The following OLA1 variants were observed in gnomAD, a reference collection of about 807,000 sequenced individuals.
The protein encoded by OLA1 is obg-like ATPase 1.
A neutral mutation model predicts 48.4 loss-of-function variants in OLA1; 14 were observed. That is an observed-to-expected ratio of 0.29 (90% CI 0.19 to 0.45). The LOEUF (loss-of-function observed/expected upper bound fraction) is 0.45, where lower values mean the gene tolerates loss of function less well. OLA1 is among the 20% of genes least tolerant of loss of function. The pLI, the probability that OLA1 is intolerant of heterozygous loss-of-function variation, is 1.00. For synonymous variants in OLA1, 127 were observed against 150.4 expected, an observed-to-expected ratio of 0.84 and a Z score of 1.14; for missense variants, 325 against 467.1, an observed-to-expected ratio of 0.70 and a Z score of 2.80.
At chr2:174,186,536 C>A (rs1295510047) in intron 4 of OLA1, among the ~76,000 whole-genome samples, 6 of 152,118 alleles carry the variant, frequency 3.9e-5, no homozygotes, top group African/African-American at 1.4e-4. Context: ...ATATCTTTTC[C>A]GATCATACCC....
chr2:174,115,770 C>T (rs556200015), intron 7 of OLA1, among the ~76,000 whole-genome samples: 1 of 152,316 alleles, frequency 6.6e-6, no homozygotes, highest in African/African-American at 2.4e-5. Context: ...TGGCATGTAT[C>T]CTTATTTCAT....
Position 174,147,119 on chromosome 2 carries a change from T to G in OLA1, c.374-5119A>C, listed in dbSNP as rs74746103. 8.7e-3 allele frequency among the ~76,000 whole-genome samples: 1,327 copies of G among 152,262 alleles called. 23 individuals are homozygous for G. Among genetic ancestry groups the G allele is most frequent in the African/African-American group, 0.03 (1,249 of 41,542 alleles). On this transcript the variant is annotated intron_variant, in intron 4 of 10. Transcript: ENST00000284719. ...AATCAAGTCACACATTTTCAAGTTG[T>G]GTGACTGAACAGCAACAACAAAAAA...
intron 5 of OLA1, among the ~76,000 whole-genome samples, chr2:174,136,254 A>G (rs1207503130): frequency 6.6e-6 from 1 of 152,158 alleles, no homozygotes; most frequent in Non-Finnish European, 1.5e-5. Flanking sequence ...ATGCAGTGCT[A>G]TTTCATAGCA....
rs140123787 is a variant in OLA1, at chr2:174,100,769, C to T, written c.729-18705G>A. On this transcript the variant is annotated intron_variant, in intron 7 of 10. Coordinates refer to ENST00000284719, the MANE Select transcript of OLA1 (RefSeq NM_013341.5). ...TTGAAAATTTTATATGCACATATAA[C>T]TATCCCCCCACAAAGATATGGAACA... Among the ~76,000 whole-genome samples, 101 of 152,286 alleles carry T rather than the reference C, an allele frequency of 6.6e-4. 2 individuals carry two copies. The East Asian group carries it at 0.015, about 23-fold the overall frequency.
At chr2:174,080,678 T>C (rs1684835538) in intron 9 of OLA1, among the ~76,000 whole-genome samples, 1 of 152,100 alleles carries the variant, frequency 6.6e-6, no homozygotes, top group African/African-American at 2.4e-5. Flanking sequence ...AGTTTAGCTT[T>C]TTGAGCCCAA....
intron 4 of OLA1, among the ~76,000 whole-genome samples, chr2:174,144,379 G>GA (rs959322018): frequency 3.3e-5 from 5 of 151,658 alleles, no homozygotes; most frequent in African/African-American, 9.7e-5. Flanking sequence ...ATTTATTTCT[G>GA]AAAAAAAATT....
At chr2:174,194,878 T>A (rs1687850055) in intron 4 of OLA1, among the ~76,000 whole-genome samples, 2 of 152,206 alleles carry the variant, frequency 1.3e-5, no homozygotes, top group Non-Finnish European at 2.9e-5. Flanking sequence ...GTCATCATCC[T>A]CTGGTATTCT....
chr2:174,142,653 G>A (rs1447996115), intron 4 of OLA1, among the ~76,000 whole-genome samples: 2 of 152,160 alleles, frequency 1.3e-5, no homozygotes, highest in African/African-American at 2.4e-5. Flanking sequence ...TATTTAAAGT[G>A]CAGTTGAAGC....
chr2:174,239,714 CAAA>C (rs35332033), intron 2 of OLA1, among the ~76,000 whole-genome samples: 2 of 60,630 alleles, frequency 3.3e-5, no homozygotes, highest in Non-Finnish European at 2.9e-5. Flanking sequence ...CCCATCTCTA[CAAA>C]AAAAAAAAAA....
At chr2:174,140,369 C>CT (rs111932848) in intron 5 of OLA1, among the ~76,000 whole-genome samples, 2,271 of 144,054 alleles carry the variant, frequency 0.016, 56 homozygotes, top group African/African-American at 0.054. Context: ...CTTTTTCTTT[C>CT]TTTTTTTTTT....
rs976041862 is a variant in OLA1 at position 174,103,755 on chromosome 2, T to G, written c.728+19425A>C. Among the ~76,000 whole-genome samples the G allele has an allele frequency of 3.9e-5, 6 of 152,152 alleles. 1 individual carries two copies. In the East Asian group the frequency reaches 1.2e-3, roughly 29 times the overall value. Reference sequence around the variant, plus strand: ...GCATGGTCCTTATTCTCATGGAATTTAAATTCTTACAAGACAAAAAACAAA... The same window carrying G: ...GCATGGTCCTTATTCTCATGGAATTGAAATTCTTACAAGACAAAAAACAAA... On this transcript the variant is annotated intron_variant, in intron 7 of 10. Transcript: ENST00000284719.
intron 1 of OLA1, chr2:174,247,313 C>T: frequency 5.3e-6 from 1 of 188,500 alleles, no homozygotes; most frequent in Non-Finnish European, 1.1e-5. Flanking sequence ...GCGAAGGTTG[C>T]GGTGCGCCAA....
Position 174,142,124 on chromosome 2 carries a change from G to T in OLA1, c.374-124C>A, listed in dbSNP as rs533897784. On this transcript the variant is annotated intron_variant, in intron 4 of 10. Transcript: ENST00000284719. Reference sequence around the variant, plus strand: ...ATAAATAAATTACTCTGGCTTCTTGGCAAGTAGGATATAGCATTTTTCCCC... The same window carrying T: ...ATAAATAAATTACTCTGGCTTCTTGTCAAGTAGGATATAGCATTTTTCCCC... 30 of 857,870 alleles carry T rather than the reference G, an allele frequency of 3.5e-5. 1 individual carries two copies. The Admixed American group carries it at 7.2e-4, about 20-fold the overall frequency. 53.1% of individuals were successfully genotyped at this position (857,870 alleles called of 1,614,324 possible).
At chr2:174,170,187 C>T (rs1031406786) in intron 4 of OLA1, among the ~76,000 whole-genome samples, 1 of 151,956 alleles carries the variant, frequency 6.6e-6, no homozygotes, top group Non-Finnish European at 1.5e-5. Flanking sequence ...GAGCCGAGAT[C>T]GCGCCACTGC....
chr2:174,233,646 A>G (rs1042716909), intron 2 of OLA1, among the ~76,000 whole-genome samples: 4 of 152,240 alleles, frequency 2.6e-5, no homozygotes, highest in African/African-American at 9.6e-5. Context: ...AAGTGCTAGG[A>G]TTATAGGCGT....
intron 4 of OLA1, among the ~76,000 whole-genome samples, chr2:174,190,449 A>T (rs998477358): frequency 8.5e-5 from 13 of 152,118 alleles, no homozygotes; most frequent in African/African-American, 2.9e-4. Context: ...TCCTTGCACA[A>T]AACTAGTAAG....
intron 4 of OLA1, among the ~76,000 whole-genome samples, chr2:174,158,838 T>C (rs1173010795): frequency 2.0e-5 from 3 of 152,128 alleles, no homozygotes; most frequent in African/African-American, 7.2e-5. Flanking sequence ...CTATGAATAT[T>C]TATCTAAAGT....
At position 174,196,106 on chromosome 2, in the gene OLA1, AAAG is replaced by A. The variant is rs1158174347; in HGVS notation, c.373+26924_373+26926del. 3.9e-5 allele frequency among the ~76,000 whole-genome samples: 6 copies of A among 152,258 alleles called. No individual in the cohort carries two copies. The East Asian group carries it at 1.2e-3, about 29-fold the overall frequency. ...TAGAGTTAATGCTCATGCGAATATA[AAAG>A]AAGTTATCTAACAGTCTAAATATTT... On this transcript the variant is annotated intron_variant, in intron 4 of 10. Transcript: ENST00000284719.
At chr2:174,138,242 C>T (rs530718309) in intron 5 of OLA1, among the ~76,000 whole-genome samples, 2 of 152,322 alleles carry the variant, frequency 1.3e-5, no homozygotes, top group South Asian at 4.1e-4. Context: ...GTGACTCTTC[C>T]TTTCACTTGA....
Sources: gnomAD v4.1 joint callset for allele counts (sites outside exome capture counted in the v4.1 genomes callset) on GRCh38, gnomAD v4.1.1 for gene constraint, MANE v1.5 for transcripts, NCBI Gene and HGNC (gene_info 2026-07-23, HGNC 2026-07-21) for gene names.